The following GLRA1 variants were observed in gnomAD, a reference collection of about 807,000 sequenced individuals.
GLRA1 encodes the protein glycine receptor alpha 1.
A neutral mutation model predicts 48.3 loss-of-function variants in GLRA1; 37 were observed. The observed-to-expected ratio is 0.77, with a 90% confidence interval of 0.59 to 1.01. The LOEUF is 1.01. Among genes scored for constraint, GLRA1 ranks in the 50% least tolerant of loss-of-function variants. GLRA1 has a pLI of 0.00. For missense variants in GLRA1, 427 were observed against 571.0 expected (o/e 0.75, Z 2.57); for synonymous variants, 196 against 210.7 (o/e 0.93, Z 0.60).
chr5:151,850,564 C>A, intron 7 of GLRA1: 3 of 1,339,078 alleles, frequency 2.2e-6, no homozygotes, highest in African/African-American at 1.4e-5. Flanking sequence ...TGGACAAAGC[C>A]CAACACCTAG....
chr5:151,898,821 G>A (rs1210465050), intron 1 of GLRA1, among the ~76,000 whole-genome samples: 2 of 152,188 alleles, frequency 1.3e-5, no homozygotes, highest in Non-Finnish European at 2.9e-5. Context: ...GAGTACAGTG[G>A]ACAGGTACCC....
intron 1 of GLRA1, among the ~76,000 whole-genome samples, chr5:151,913,528 A>C (rs577636774): frequency 6.6e-6 from 1 of 152,210 alleles, no homozygotes; most frequent in African/African-American, 2.4e-5. Context: ...AGAGTTTCGT[A>C]TTATGTTAAA....
intron 7 of GLRA1, among the ~76,000 whole-genome samples, chr5:151,838,440 G>T (rs1012679881): frequency 3.3e-5 from 5 of 152,146 alleles, no homozygotes; most frequent in South Asian, 2.1e-4. Context: ...CCGCACTCTA[G>T]CCTGGGCAAC....
At chr5:151,826,197 G>A in intron 8 of GLRA1, among the ~76,000 whole-genome samples, 1 of 152,220 alleles carries the variant, frequency 6.6e-6, no homozygotes, top group East Asian at 1.9e-4. Flanking sequence ...TACCTTATGG[G>A]AAGCACATTC....
intron 7 of GLRA1, among the ~76,000 whole-genome samples, chr5:151,847,134 A>C (rs1752693910): frequency 6.6e-6 from 1 of 152,272 alleles, no homozygotes; most frequent in Non-Finnish European, 1.5e-5. Context: ...ACAGAATGTT[A>C]AGCAGCATTA....
chr5:151,840,242 T>C (rs911707807), intron 7 of GLRA1, among the ~76,000 whole-genome samples: 9 of 152,024 alleles, frequency 5.9e-5, no homozygotes, highest in African/African-American at 2.2e-4. Flanking sequence ...TACAGCTGTA[T>C]GCCATTCCAT....
At chr5:151,861,784 C>A (rs1001085146) in intron 3 of GLRA1, among the ~76,000 whole-genome samples, 2 of 152,058 alleles carry the variant, frequency 1.3e-5, no homozygotes, top group African/African-American at 4.8e-5. Flanking sequence ...TAAAAGAGGA[C>A]ACAAACAAAT....
intron 3 of GLRA1, among the ~76,000 whole-genome samples, chr5:151,882,745 A>G (rs146808128): frequency 1.3e-5 from 2 of 151,414 alleles, no homozygotes; most frequent in Non-Finnish European, 2.9e-5. Context: ...TTTAGATCTG[A>G]GAGTTTTTTC....
At chr5:151,825,204 C>A (rs1763242243) in intron 8 of GLRA1, among the ~76,000 whole-genome samples, 1 of 152,158 alleles carries the variant, frequency 6.6e-6, no homozygotes, top group Admixed American at 6.5e-5. Flanking sequence ...GGAGAGCCAG[C>A]CAAATTGCTG....
At chr5:151,886,635 C>T (rs1198585100) in intron 3 of GLRA1, 86 bp downstream of exon 3, 1 of 1,024,970 alleles carries the variant, frequency 9.8e-7, no homozygotes, top group Non-Finnish European at 1.6e-6. Flanking sequence ...TCCCCACTTC[C>T]TTGGTGGAGA....
chr5:151,844,646 AAG>A (rs1156430651), intron 7 of GLRA1, among the ~76,000 whole-genome samples: 100 of 150,126 alleles, frequency 6.7e-4, no homozygotes, highest in Non-Finnish European at 7.9e-4. Context: ...AAAAAAGAAA[AAG>A]AAAAAAAAAG....
At chr5:151,912,266 T>TC (rs1260625431) in intron 1 of GLRA1, among the ~76,000 whole-genome samples, 1 of 151,138 alleles carries the variant, frequency 6.6e-6, no homozygotes, top group African/African-American at 2.4e-5. Context: ...AAGACTGTTT[T>TC]TTTTTTTTTT....
At chr5:151,912,190 T>C (rs1754631294) in intron 1 of GLRA1, among the ~76,000 whole-genome samples, 2 of 151,982 alleles carry the variant, frequency 1.3e-5, no homozygotes, top group African/African-American at 4.8e-5. Flanking sequence ...GTCCAAGCCA[T>C]ATTCAATACA....
chr5:151,917,993 G>A (rs919847293), intron 1 of GLRA1, among the ~76,000 whole-genome samples: 1 of 152,188 alleles, frequency 6.6e-6, no homozygotes. Flanking sequence ...CTAATTTAGA[G>A]CAACGGACAC....
intron 2 of GLRA1, 29 bp downstream of exon 2, chr5:151,892,282 T>C: frequency 6.2e-7 from 1 of 1,609,794 alleles, no homozygotes; most frequent in Non-Finnish European, 8.5e-7. Flanking sequence ...AGCATTTCCC[T>C]GTGGGTCTGG....
At chr5:151,866,373 C>T (rs920321697) in intron 3 of GLRA1, among the ~76,000 whole-genome samples, 2 of 152,208 alleles carry the variant, frequency 1.3e-5, no homozygotes, top group African/African-American at 2.4e-5. Context: ...ACCTCTACCC[C>T]CACTGTGCCT....
At chr5:151,918,395 A>C (rs937868012) in intron 1 of GLRA1, among the ~76,000 whole-genome samples, 2 of 152,076 alleles carry the variant, frequency 1.3e-5, no homozygotes, top group Non-Finnish European at 2.9e-5. Flanking sequence ...GGACAAGTGC[A>C]TTTTCTGGTA....
intron 4 of GLRA1, among the ~76,000 whole-genome samples, chr5:151,857,048 CT>C (rs1753064990): frequency 1.3e-5 from 2 of 152,148 alleles, no homozygotes; most frequent in African/African-American, 4.8e-5. Context: ...GCGGCAGGCT[CT>C]GTCCTCCAGG....
rs1561557944 is a variant in GLRA1, at chr5:151,855,190, CAGA to C, written c.560-16_560-14del. The C allele has an allele frequency of 4.3e-6, 7 of 1,613,738 alleles. No homozygotes were observed. Among genetic ancestry groups the C allele is most frequent in the Middle Eastern group, 1.6e-4 (1 of 6,062 alleles). The stretch of plus-strand genomic sequence containing the variant: ...ATCGTATATCCAACTGGGATGGGAT[CAGA>C]AGAAGGAGCAGTCACCACTCAGAAG... On this transcript the variant is annotated splice_polypyrimidine_tract_variant and intron_variant, in intron 5 of 8. Transcript: ENST00000274576.
Sources: gnomAD v4.1 joint callset for allele counts (sites outside exome capture counted in the v4.1 genomes callset) on GRCh38, gnomAD v4.1.1 for gene constraint, MANE v1.5 for transcripts, NCBI Gene and HGNC (gene_info 2026-07-23, HGNC 2026-07-21) for gene names.